The following PRKN variants were observed in gnomAD, a reference collection of about 807,000 sequenced individuals.
The protein encoded by PRKN is parkin RBR E3 ubiquitin protein ligase.
In PRKN, 56 loss-of-function variants were observed where a neutral mutation model predicts 59.5. That is an observed-to-expected ratio of 0.94 (90% CI 0.76 to 1.18). The LOEUF is 1.18. PRKN is among the 50% of genes most tolerant of loss of function. The pLI is 0.00. For missense variants in PRKN, 657 were observed against 596.4 expected (o/e 1.10, Z -1.06); for synonymous variants, 250 against 222.1 (o/e 1.13, Z -1.12).
At chr6:162,239,254 G>A (rs1185173022) in intron 3 of PRKN, among the ~76,000 whole-genome samples, 5 of 152,046 alleles carry the variant, frequency 3.3e-5, no homozygotes, top group Admixed American at 3.3e-4. Flanking sequence ...ACAGCTTGCA[G>A]GTTGGCCGAC....
chr6:161,559,237 C>A (rs1231062434), intron 8 of PRKN, among the ~76,000 whole-genome samples: 2 of 151,980 alleles, frequency 1.3e-5, no homozygotes, highest in African/African-American at 4.8e-5. Context: ...GCTTCCTTGT[C>A]CCCTCTCCAT....
intron 1 of PRKN, among the ~76,000 whole-genome samples, chr6:162,679,109 T>TATTTATTTATTA (rs780065550): frequency 0.018 from 2,608 of 148,488 alleles, 63 homozygotes; most frequent in Middle Eastern, 0.035. Context: ...TTTATTTATT[T>TATTTATTTATTA]ATGAATGAAT....
chr6:161,898,730 T>C (rs1265501706), intron 6 of PRKN, among the ~76,000 whole-genome samples: 1 of 152,210 alleles, frequency 6.6e-6, no homozygotes. Flanking sequence ...TTCTTAGCAA[T>C]AGTTAAAACA....
intron 9 of PRKN, among the ~76,000 whole-genome samples, chr6:161,540,084 C>G (rs545547829): frequency 1.8e-4 from 28 of 152,078 alleles, no homozygotes; most frequent in African/African-American, 6.7e-4. Context: ...TGGGGGGCCG[C>G]CAGGTCTGCC....
At position 161,530,307 on chromosome 6, in the gene PRKN, C is replaced by G. The variant is rs1468705876; in HGVS notation, c.1083+18547G>C. Among the ~76,000 whole-genome samples, 1 of 152,178 alleles carries G rather than the reference C, an allele frequency of 6.6e-6. No homozygotes were observed. The highest frequency in any genetic ancestry group is 1.5e-5 in the Non-Finnish European group (1 of 68,032). ...GGTTCAATATAAAAGTATCATTCCCCACCCAGACCTGTCCCAGTGTCTAGG... is the reference window on the plus strand; with the variant it reads ...GGTTCAATATAAAAGTATCATTCCCGACCCAGACCTGTCCCAGTGTCTAGG... On this transcript the variant is annotated intron_variant, in intron 9 of 11. Transcript: ENST00000366898. The surrounding 1 kb of genome is among the most constrained non-coding windows in gnomAD (Gnocchi z 5.0).
intron 4 of PRKN, among the ~76,000 whole-genome samples, chr6:162,094,840 T>G (rs917544396): frequency 6.6e-6 from 1 of 152,224 alleles, no homozygotes; most frequent in Non-Finnish European, 1.5e-5. Flanking sequence ...ATCTGTTAAA[T>G]GTATTTAGAC....
chr6:161,472,614 C>G (rs369620957), intron 9 of PRKN, among the ~76,000 whole-genome samples: 1 of 152,112 alleles, frequency 6.6e-6, no homozygotes, highest in South Asian at 2.1e-4. Context: ...GGATACCACA[C>G]CAAAGCTCAG....
intron 2 of PRKN, among the ~76,000 whole-genome samples, chr6:162,438,962 T>C (rs1023182866): frequency 1.3e-5 from 2 of 152,228 alleles, no homozygotes; most frequent in Admixed American, 6.5e-5. Context: ...TGAGGCTCTA[T>C]TCCTTTTTTC....
At chr6:162,167,324 T>C (rs1783033574) in intron 4 of PRKN, among the ~76,000 whole-genome samples, 1 of 152,166 alleles carries the variant, frequency 6.6e-6, no homozygotes, top group Non-Finnish European at 1.5e-5. Context: ...AATGCCTGGA[T>C]TGGAGTCTCG....
At position 161,417,382 on chromosome 6, in the gene PRKN, G is replaced by A. The variant is rs1163014073; in HGVS notation, c.1084-30505C>T. Among the ~76,000 whole-genome samples, 3 of 151,524 alleles carry A rather than the reference G, an allele frequency of 2.0e-5. No homozygotes were observed. Among genetic ancestry groups the A allele is most frequent in the African/African-American group, 4.9e-5 (2 of 41,172 alleles). ...GCAGAATCACTTGAACCTGGGAGGC[G>A]GAGGTTGCAGTGAGCAGAGATGGCG... On this transcript the variant is annotated intron_variant, in intron 9 of 11. Transcript: ENST00000366898. The surrounding 1 kb of genome is among the most constrained non-coding windows in gnomAD (Gnocchi z 5.4).
chr6:161,909,539 G>C (rs1321867708), intron 6 of PRKN, among the ~76,000 whole-genome samples: 1 of 152,178 alleles, frequency 6.6e-6, no homozygotes, highest in East Asian at 1.9e-4. Flanking sequence ...AATGGATGTA[G>C]AGTAATAGGG....
chr6:161,739,534 C>T (rs150860593), intron 7 of PRKN, among the ~76,000 whole-genome samples: 2 of 152,276 alleles, frequency 1.3e-5, no homozygotes, highest in East Asian at 3.9e-4. Context: ...TTCATACTTA[C>T]GTGTATAATC....
intron 7 of PRKN, among the ~76,000 whole-genome samples, chr6:161,760,283 C>A (rs1789139819): frequency 6.7e-6 from 1 of 149,384 alleles, no homozygotes; most frequent in Non-Finnish European, 1.5e-5. Context: ...CCCACCACAG[C>A]CACAGCGCAA....
intron 9 of PRKN, among the ~76,000 whole-genome samples, chr6:161,398,509 A>G (rs1311247832): frequency 6.6e-6 from 1 of 152,066 alleles, no homozygotes; most frequent in Non-Finnish European, 1.5e-5. Context: ...CCATTTAGAG[A>G]CCCTGTTCTA....
At chr6:162,461,787 C>T (rs1314728122) in intron 1 of PRKN, among the ~76,000 whole-genome samples, 3 of 150,626 alleles carry the variant, frequency 2.0e-5, no homozygotes, top group Non-Finnish European at 4.4e-5. Context: ...GATCACGCCA[C>T]TGCACTGCAG....
At chr6:162,351,822 TTGTGTGTGTTTGTG>T (rs1784638818) in intron 2 of PRKN, among the ~76,000 whole-genome samples, 1 of 152,022 alleles carries the variant, frequency 6.6e-6, no homozygotes, top group Admixed American at 6.6e-5. Context: ...CCTGAGGTTT[TTGTGTGTGTTTGTG>T]TGTGTGTGTG....
At chr6:162,705,739 T>C (rs1778315783) in intron 1 of PRKN, among the ~76,000 whole-genome samples, 1 of 152,214 alleles carries the variant, frequency 6.6e-6, no homozygotes, top group African/African-American at 2.4e-5. Context: ...GTTCAATTTT[T>C]AAGCCCCTAT....
At chr6:162,066,005 A>G (rs1488930710) in intron 4 of PRKN, among the ~76,000 whole-genome samples, 1 of 152,098 alleles carries the variant, frequency 6.6e-6, no homozygotes, top group Non-Finnish European at 1.5e-5. Flanking sequence ...AGTCTTTGCT[A>G]TTGTGAATAG....
At chr6:161,598,249 C>T (rs1256965214) in intron 7 of PRKN, among the ~76,000 whole-genome samples, 1 of 152,158 alleles carries the variant, frequency 6.6e-6, no homozygotes, top group African/African-American at 2.4e-5. Context: ...AATACAAACT[C>T]ATAAGCCATA....
Sources: gnomAD v4.1 joint callset for allele counts (sites outside exome capture counted in the v4.1 genomes callset) on GRCh38, gnomAD v4.1.1 for gene constraint, Gnocchi (gnomAD v3.1) non-coding constraint, MANE v1.5 for transcripts, NCBI Gene and HGNC (gene_info 2026-07-23, HGNC 2026-07-21) for gene names.